The following RBM4 variants were observed in gnomAD, a reference collection of about 807,000 sequenced individuals.
RBM4 encodes the protein RNA binding motif protein 4, also known as RNA-binding protein 4.
A neutral mutation model predicts 29.5 loss-of-function variants in RBM4; 7 were observed. The ratio of observed to expected loss-of-function variants is 0.24; its 90% confidence interval spans 0.14 to 0.45. RBM4 has a LOEUF of 0.45. Among genes scored for constraint, RBM4 ranks in the 20% least tolerant of loss-of-function variants. The pLI, the probability that RBM4 is intolerant of heterozygous loss-of-function variation, is 1.00. For synonymous variants in RBM4, 220 were observed against 205.4 expected, an observed-to-expected ratio of 1.07 and a Z score of -0.61; for missense variants, 387 against 502.3, an observed-to-expected ratio of 0.77 and a Z score of 2.19.
chr11:66,640,437 G>A (rs2135054607), intron 2 of RBM4: 1 of 527,960 alleles, frequency 1.9e-6, no homozygotes, highest in South Asian at 3.1e-5. Context: ...TTATTTTTTT[G>A]TAGTAGAGCA....
chr11:66,644,308 C>A, intron 3 of RBM4, 168 bp downstream of exon 3: 1 of 957,638 alleles, frequency 1.0e-6, no homozygotes, highest in Non-Finnish European at 1.5e-6. Context: ...CTTTAAAATA[C>A]ATAGAGTTCC....
rs1358735872 is a variant in RBM4 at position 66,646,389 on chromosome 11, C to T, written c.*371C>T. On this transcript the variant is annotated 3_prime_UTR_variant, in exon 4 of 4. Transcript: ENST00000310092. ...GGTGAGAGTCTCACTGCTCCAGGGT[C>T]TCTTTTTGGTCCAAAGGCTAGACCT... The T allele has an allele frequency of 2.5e-5, 29 of 1,141,440 alleles. No homozygotes were observed. Among genetic ancestry groups the T allele is most frequent in the Non-Finnish European group, 3.0e-5 (28 of 926,132 alleles). 70.7% of individuals were successfully genotyped at this position (1,141,440 alleles called of 1,614,324 possible).
At chr11:66,647,102 A>G (rs1938715792), downstream of RBM4, among the ~76,000 whole-genome samples, 1 of 152,228 alleles carries the variant, frequency 6.6e-6, no homozygotes, top group African/African-American at 2.4e-5. Context: ...GGCTGAGTGC[A>G]AGAACTGCCG....
At chr11:66,641,847 A>G (rs1938478589) in intron 2 of RBM4, among the ~76,000 whole-genome samples, 1 of 151,786 alleles carries the variant, frequency 6.6e-6, no homozygotes, top group Non-Finnish European at 1.5e-5. Flanking sequence ...TATCTTCTCT[A>G]TTGCTTGCCC....
chr11:66,641,907 C>T (rs1412502874), intron 2 of RBM4, among the ~76,000 whole-genome samples: 1 of 152,048 alleles, frequency 6.6e-6, no homozygotes, highest in Admixed American at 6.6e-5. Flanking sequence ...CTTTTTCTGG[C>T]GTTAGAACCA....
At position 66,640,119 on chromosome 11, in the gene RBM4, T is replaced by C. The variant is rs905639959; in HGVS notation, c.408T>C (p.Phe136=). ...TCAGGGGCCTTGATAACACAGAGTT[T>C]CAAGGTGAACCACCCTCTTTGGGTA... ...EAIRGLDNTE[F]QGKRMHVQLS... Residue 136 remains phenylalanine, a synonymous_variant, in exon 2 of 4, where the codon TTT becomes TTC. Transcript: ENST00000310092. The C allele has an allele frequency of 1.9e-5, 31 of 1,614,164 alleles. No homozygotes were observed. The highest frequency in any genetic ancestry group is 2.6e-5 in the Non-Finnish European group (31 of 1,180,032).
Position 66,653,958 on chromosome 11 carries a change from G to A in RBM4, c.413-11898G>A, listed in dbSNP as rs139546425. On this transcript the variant is annotated intron_variant, in intron 2 of 2. Transcript: ENST00000396053. ...TGTAGTCTCAGGTACTTGGAAGGCC[G>A]AGGTGCAAGGATCGCTTGAGCAGCC... Among the ~76,000 whole-genome samples the A allele has an allele frequency of 6.6e-5, 10 of 152,150 alleles. No homozygotes were observed. In the East Asian group the frequency reaches 1.9e-3, roughly 29 times the overall value.
At position 66,638,762 on chromosome 11, in the gene RBM4, C is replaced by G. The variant is rs1023752767; in HGVS notation, c.-13+10C>G. ...GCTGGTTTCTGTGCGGGTGAGACTCCGAGCCTTTCCACTGCCTTTCTTGTA... is the reference window on the plus strand; with the variant it reads ...GCTGGTTTCTGTGCGGGTGAGACTCGGAGCCTTTCCACTGCCTTTCTTGTA... On this transcript the variant is annotated intron_variant, in intron 1 of 3. Transcript: ENST00000310092. 6.6e-6 allele frequency: 1 copy of G among 152,648 alleles called. No homozygotes were observed. The highest frequency in any genetic ancestry group is 1.5e-5 in the Non-Finnish European group (1 of 68,304). 9.5% of individuals were successfully genotyped at this position (152,648 alleles called of 1,614,324 possible). A position where few individuals can be genotyped will look rare whatever the true frequency, so the allele number is the denominator to read the frequency against.
intron 2 of RBM4, among the ~76,000 whole-genome samples, chr11:66,654,438 G>C (rs1385704096): frequency 6.6e-6 from 1 of 152,076 alleles, no homozygotes; most frequent in Non-Finnish European, 1.5e-5. Context: ...AGAGCTTGCA[G>C]CGAGTCGAGA....
Position 66,643,582 on chromosome 11 carries a change from G to T in RBM4, c.545G>T (p.Arg182Leu). 6.2e-7 allele frequency: 1 copy of T among 1,614,146 alleles called. No individual in the cohort carries two copies. Among genetic ancestry groups the T allele is most frequent in the Non-Finnish European group, 8.5e-7 (1 of 1,180,026 alleles). Residue 182 changes from arginine to leucine, a missense_variant, in exon 3 of 4, where the codon CGC becomes CTC. By Grantham distance (102) the Arg-to-Leu change is moderately radical. Transcript: ENST00000310092. The surrounding 1 kb of genome is among the most constrained non-coding windows in gnomAD (Gnocchi z 6.1). ...GAGTGTCCGATAGATCGTTCAGGCCGCGTGGCAGACTTGACCGAGCAATAT... is the reference window on the plus strand; with the variant it reads ...GAGTGTCCGATAGATCGTTCAGGCCTCGTGGCAGACTTGACCGAGCAATAT... Reference protein sequence around the residue: ...SKECPIDRSGRVADLTEQYNE... With the variant: ...SKECPIDRSGLVADLTEQYNE...
downstream of RBM4, among the ~76,000 whole-genome samples, chr11:66,648,593 G>A (rs1938759050): frequency 6.6e-6 from 1 of 151,512 alleles, no homozygotes; most frequent in African/African-American, 2.4e-5. Context: ...GGCAGGTGGA[G>A]CATCTGAGAT....
chr11:66,656,246 C>T (rs931135865), intron 2 of RBM4, among the ~76,000 whole-genome samples: 1 of 152,036 alleles, frequency 6.6e-6, no homozygotes, highest in African/African-American at 2.4e-5. Flanking sequence ...ACGCCATTCT[C>T]CCACCTCAGC....
At position 66,643,862 on chromosome 11, in the gene RBM4, C is replaced by G. The variant is rs1209240247; in HGVS notation, c.825C>G (p.His275Gln). The G allele has an allele frequency of 1.9e-6, 3 of 1,613,946 alleles. No homozygotes were observed. Among genetic ancestry groups the G allele is most frequent in the Non-Finnish European group, 2.5e-6 (3 of 1,180,004 alleles). The change falls in exon 3 of 4, where the codon CAC becomes CAG. Residue 275 changes from histidine to glutamine, a missense_variant. Transcript: ENST00000310092. The surrounding 1 kb of genome is among the most constrained non-coding windows in gnomAD (Gnocchi z 6.1). ...TSTSLDPYDR[H>Q]LLPTSGAAAT... ...CCTCTCTCGATCCCTACGATAGACA[C>G]CTGTTGCCGACCTCAGGAGCTGCTG... is the stretch of plus-strand genomic sequence containing the variant.
At position 66,643,901 on chromosome 11, in the gene RBM4, T is replaced by C; in HGVS notation, c.864T>C (p.Ala288=). The C allele has an allele frequency of 1.2e-6, 2 of 1,611,280 alleles. No homozygotes were observed. Among genetic ancestry groups the C allele is most frequent in the Non-Finnish European group, 8.5e-7 (1 of 1,179,142 alleles). Residue 288 remains alanine (A), a synonymous_variant, in exon 3 of 4, where the codon GCT becomes GCC. Coordinates refer to ENST00000310092, the MANE Select transcript of RBM4 (RefSeq NM_002896.4). The surrounding 1 kb of genome is among the most constrained non-coding windows in gnomAD (Gnocchi z 6.1). Reference sequence around the variant, plus strand: ...CAGGAGCTGCTGCCACAGCTGCTGCTGCAGCAGCAGCCGCTGCTGCTGTTA... The same window carrying C: ...CAGGAGCTGCTGCCACAGCTGCTGCCGCAGCAGCAGCCGCTGCTGCTGTTA... ...PTSGAAATAA[A]AAAAAAAVTA...
chr11:66,668,138 G>A (rs891003180), exon 3 of RBM4: 1 of 162,480 alleles, frequency 6.2e-6, no homozygotes, highest in Non-Finnish European at 1.4e-5. Context: ...GAGCGAGTAT[G>A]GGTTTTGGTA....
chr11:66,651,778 GACGTGGT>G (rs1349915660), intron 2 of RBM4, among the ~76,000 whole-genome samples: 7 of 152,220 alleles, frequency 4.6e-5, no homozygotes, highest in Non-Finnish European at 1.0e-4. Flanking sequence ...GGCCGTGGCA[GACGTGGT>G]GTCTGGATTC....
At chr11:66,654,684 G>T (rs925408382) in intron 2 of RBM4, among the ~76,000 whole-genome samples, 156 of 122,238 alleles carry the variant, frequency 1.3e-3, no homozygotes, top group East Asian at 4.5e-3. Context: ...GATTAATTTT[G>T]TTTTTTTTTT....
At chr11:66,648,536 C>A (rs1332608628), downstream of RBM4, among the ~76,000 whole-genome samples, 1 of 151,076 alleles carries the variant, frequency 6.6e-6, no homozygotes, top group East Asian at 2.0e-4. Context: ...AACTTTTTGC[C>A]AGGCGCGGTG....
At chr11:66,649,412 A>T (rs920590234), downstream of RBM4, among the ~76,000 whole-genome samples, 1 of 152,202 alleles carries the variant, frequency 6.6e-6, no homozygotes, top group Non-Finnish European at 1.5e-5. Flanking sequence ...CTTTGTGGTG[A>T]TACGCAGCTG....
Sources: gnomAD v4.1 joint callset for allele counts (sites outside exome capture counted in the v4.1 genomes callset) on GRCh38, gnomAD v4.1.1 for gene constraint, Gnocchi (gnomAD v3.1) non-coding constraint, MANE v1.5 for transcripts, NCBI Gene and HGNC (gene_info 2026-07-23, HGNC 2026-07-21) for gene names.